Variants in ZBTB38 observed in about 807,000 individuals in gnomAD.
ZBTB38 encodes the protein zinc finger and BTB domain containing 38.
Under a neutral mutation model 76.8 loss-of-function variants are expected in ZBTB38, and 20 were observed. The ratio of observed to expected loss-of-function variants is 0.26; its 90% CI spans 0.18 to 0.38. ZBTB38 has a LOEUF of 0.38. Ranked by LOEUF, ZBTB38 falls within the 10% of genes least tolerant of loss-of-function variation. The probability of loss-of-function intolerance (pLI) is 1.00; values close to 1 mark genes in which losing one functional copy is unlikely to be tolerated. For missense variants in ZBTB38, 1,082 were observed against 1,482.3 expected, an observed-to-expected ratio of 0.73 and a Z score of 4.43; for synonymous variants, 504 against 544.2, an observed-to-expected ratio of 0.93 and a Z score of 1.03.
At chr3:141,358,877 G>A (rs1943739852) in intron 1 of ZBTB38, among the ~76,000 whole-genome samples, 1 of 152,152 alleles carries the variant, frequency 6.6e-6, no homozygotes, top group Admixed American at 6.5e-5. Context: ...TACCACTAAA[G>A]GCTTGAACTA....
At chr3:141,377,129 G>C (rs1256110400) in intron 2 of ZBTB38, among the ~76,000 whole-genome samples, 1 of 152,200 alleles carries the variant, frequency 6.6e-6, no homozygotes, top group Non-Finnish European at 1.5e-5. Flanking sequence ...AAGTCTTCCT[G>C]CTGGGCCAAG....
intron 5 of ZBTB38, among the ~76,000 whole-genome samples, chr3:141,429,637 A>AACG (rs1384920158): frequency 2.6e-5 from 4 of 152,224 alleles, no homozygotes; most frequent in African/African-American, 7.2e-5. Flanking sequence ...ACAAGCAGGC[A>AACG]ACGACGGGTG....
intron 5 of ZBTB38, chr3:141,432,375 G>A (rs2077814668): frequency 1.3e-6 from 1 of 753,346 alleles, no homozygotes; most frequent in Non-Finnish European, 1.6e-6. Flanking sequence ...TGTACGTTAG[G>A]AGCTGCGTGG....
intron 5 of ZBTB38, among the ~76,000 whole-genome samples, chr3:141,429,889 G>A (rs756521521): frequency 1.3e-5 from 2 of 152,186 alleles, no homozygotes; most frequent in African/African-American, 2.4e-5. Context: ...AGCAAAGGCA[G>A]CGCAAGGAGT....
intron 1 of ZBTB38, among the ~76,000 whole-genome samples, chr3:141,334,360 T>G (rs961235420): frequency 6.6e-6 from 1 of 151,818 alleles, no homozygotes; most frequent in Non-Finnish European, 1.5e-5. Flanking sequence ...CTCCCTGCCT[T>G]CCTTCTTTCC....
At chr3:141,356,331 G>A (rs1025621094) in intron 1 of ZBTB38, among the ~76,000 whole-genome samples, 1 of 152,026 alleles carries the variant, frequency 6.6e-6, no homozygotes, top group Non-Finnish European at 1.5e-5. Flanking sequence ...GAAGACAGAC[G>A]GCTCTTCCCT....
upstream of ZBTB38, chr3:141,368,155 G>C (rs1944044361): frequency 6.6e-6 from 1 of 152,486 alleles, no homozygotes; most frequent in South Asian, 2.1e-4. Flanking sequence ...GGCAGTGAGA[G>C]GTCCCCAGGG....
chr3:141,436,333 G>A (rs990546052), intron 5 of ZBTB38, among the ~76,000 whole-genome samples: 1 of 152,110 alleles, frequency 6.6e-6, no homozygotes, highest in African/African-American at 2.4e-5. Flanking sequence ...TGAACCTGCC[G>A]AAGAGGCCAG....
intron 5 of ZBTB38, among the ~76,000 whole-genome samples, chr3:141,431,521 C>A (rs905308198): frequency 1.3e-5 from 2 of 151,684 alleles, no homozygotes; most frequent in South Asian, 4.2e-4. Context: ...ACACGAGCTA[C>A]CCTGAAACAC....
At chr3:141,441,697 A>C (rs999285248) in intron 5 of ZBTB38, among the ~76,000 whole-genome samples, 2 of 152,146 alleles carry the variant, frequency 1.3e-5, no homozygotes, top group African/African-American at 4.8e-5. Context: ...GGTACCACTT[A>C]AGGAAAATTC....
At chr3:141,436,474 C>T (rs554907674) in intron 5 of ZBTB38, among the ~76,000 whole-genome samples, 87 of 152,158 alleles carry the variant, frequency 5.7e-4, no homozygotes, top group African/African-American at 2.1e-3. Context: ...GTTGCCTGGT[C>T]TTCCTATTTT....
intron 5 of ZBTB38, among the ~76,000 whole-genome samples, chr3:141,408,402 C>A (rs1357724419): frequency 6.6e-6 from 1 of 152,120 alleles, no homozygotes; most frequent in Non-Finnish European, 1.5e-5. Context: ...CAAAAATTAG[C>A]CAGGCATGGT....
chr3:141,446,985 A>C lies in ZBTB38; in HGVS notation c.*1009A>C, dbSNP rs1268255796. On this transcript the variant is annotated 3_prime_UTR_variant, in exon 6 of 6. Coordinates refer to ENST00000321464, the MANE Select transcript of ZBTB38 (RefSeq NM_001376113.1). ...TGGGGGTCTATTCCAGACAGACTTA[A>C]GGGCTCAAGTGGAACCTGCCATCTC... 1 of 152,684 alleles carries C rather than the reference A, an allele frequency of 6.5e-6. No homozygotes were observed. The highest frequency in any genetic ancestry group is 1.5e-5 in the Non-Finnish European group (1 of 68,074). 9.5% of individuals were successfully genotyped at this position (152,684 alleles called of 1,614,324 possible). A position where few individuals can be genotyped will look rare whatever the true frequency, so the allele number is the denominator to read the frequency against.
chr3:141,338,744 A>G (rs1376833392), intron 1 of ZBTB38, among the ~76,000 whole-genome samples: 2 of 152,200 alleles, frequency 1.3e-5, no homozygotes, highest in Non-Finnish European at 2.9e-5. Context: ...AACCCCTGTG[A>G]CATGCAATTT....
chr3:141,423,051 C>T (rs1290276161), intron 5 of ZBTB38, among the ~76,000 whole-genome samples: 4 of 152,124 alleles, frequency 2.6e-5, no homozygotes, highest in African/African-American at 9.7e-5. Flanking sequence ...CACTTTTTCC[C>T]TGGCTTCCCT....
chr3:141,415,822 G>T (rs182649789), intron 5 of ZBTB38, among the ~76,000 whole-genome samples: 3 of 152,276 alleles, frequency 2.0e-5, no homozygotes, highest in Admixed American at 2.0e-4. Flanking sequence ...ATCTTATAGT[G>T]CCTCATTCCT....
At chr3:141,435,689 G>A (rs1231074065) in intron 5 of ZBTB38, among the ~76,000 whole-genome samples, 2 of 151,912 alleles carry the variant, frequency 1.3e-5, no homozygotes, top group Non-Finnish European at 2.9e-5. Context: ...GAACCCTGGA[G>A]GCGGAGGTTG....
chr3:141,356,385 A>G lies in ZBTB38; in HGVS notation c.-738-12236A>G, dbSNP rs1281349560. On this transcript the variant is annotated intron_variant, in intron 1 of 7. Transcript: ENST00000509842. ...GGCATGGGGCTACACTTCAAGGGAC[A>G]CCTTTTCTCACTCATACAAAAGTGT... Among the ~76,000 whole-genome samples, 2 of 151,712 alleles carry G rather than the reference A, an allele frequency of 1.3e-5. 1 individual carries two copies. The highest frequency in any genetic ancestry group is 1.3e-4 in the Admixed American group (2 of 15,228).
chr3:141,381,635 G>A (rs1434412461), intron 3 of ZBTB38, 148 bp downstream of exon 3: 2 of 152,210 alleles, frequency 1.3e-5, no homozygotes, highest in Admixed American at 6.5e-5. Flanking sequence ...TATGAGCGTT[G>A]AGCAAGATAG....
Sources: gnomAD v4.1 joint callset for allele counts (sites outside exome capture counted in the v4.1 genomes callset) on GRCh38, gnomAD v4.1.1 for gene constraint, MANE v1.5 for transcripts, NCBI Gene and HGNC (gene_info 2026-07-23, HGNC 2026-07-21) for gene names.